The following SLC25A21 variants were observed in gnomAD, a reference collection of about 807,000 sequenced individuals.
SLC25A21 encodes the protein solute carrier family 25 member 21.
A neutral mutation model predicts 43.8 loss-of-function variants in SLC25A21; 47 were observed. The ratio of observed to expected loss-of-function variants is 1.07; its 90% CI spans 0.85 to 1.37. The LOEUF is 1.37. Among genes scored for constraint, SLC25A21 ranks in the 40% most tolerant of loss-of-function variants. The probability of loss-of-function intolerance (pLI) is 0.00; values close to 1 mark genes in which losing one functional copy is unlikely to be tolerated. For synonymous variants in SLC25A21, 131 were observed against 121.3 expected, an observed-to-expected ratio of 1.08 and a Z score of -0.52; for missense variants, 352 against 350.2, an observed-to-expected ratio of 1.00 and a Z score of -0.04.
intron 1 of SLC25A21, among the ~76,000 whole-genome samples, chr14:37,168,598 C>CT (rs1964070409): frequency 6.6e-6 from 1 of 151,844 alleles, no homozygotes; most frequent in African/African-American, 2.4e-5. Context: ...TGGGCCCCTA[C>CT]TAATGCTGGG....
intron 3 of SLC25A21, among the ~76,000 whole-genome samples, chr14:36,802,384 G>A (rs546169425): frequency 1.5e-4 from 23 of 152,010 alleles, no homozygotes; most frequent in South Asian, 1.0e-3. Flanking sequence ...GAATAGTTAC[G>A]AGTAATTGGC....
intron 1 of SLC25A21, among the ~76,000 whole-genome samples, chr14:37,130,516 T>C (rs1963375171): frequency 6.6e-6 from 1 of 152,204 alleles, no homozygotes; most frequent in African/African-American, 2.4e-5. Context: ...ATATGCAATA[T>C]GTTATAATGC....
chr14:36,776,438 C>A (rs979537833), intron 3 of SLC25A21, among the ~76,000 whole-genome samples: 5 of 151,692 alleles, frequency 3.3e-5, no homozygotes, highest in African/African-American at 1.2e-4. Context: ...CGGGGTTTCA[C>A]CGGGTTAGCC....
chr14:37,114,933 T>A (rs183997275), intron 1 of SLC25A21, among the ~76,000 whole-genome samples: 1 of 152,306 alleles, frequency 6.6e-6, no homozygotes, highest in East Asian at 1.9e-4. Context: ...TGAATCCTCT[T>A]ATGTACATAC....
At chr14:36,938,882 T>C (rs1163629358) in intron 1 of SLC25A21, among the ~76,000 whole-genome samples, 1 of 152,144 alleles carries the variant, frequency 6.6e-6, no homozygotes, top group African/African-American at 2.4e-5. Flanking sequence ...ATATTTCTTA[T>C]TGCATCACTG....
chr14:36,835,247 G>C (rs1160397494), intron 2 of SLC25A21, among the ~76,000 whole-genome samples: 2 of 152,188 alleles, frequency 1.3e-5, no homozygotes, highest in East Asian at 3.9e-4. Flanking sequence ...GGATTAGCAA[G>C]GAAACACTTG....
At chr14:36,831,183 T>C (rs1037877660) in intron 2 of SLC25A21, among the ~76,000 whole-genome samples, 2 of 152,240 alleles carry the variant, frequency 1.3e-5, no homozygotes, top group Non-Finnish European at 2.9e-5. Flanking sequence ...ATCAAGCAGT[T>C]ATGTGGCAAG....
At chr14:36,865,418 G>C (rs1455250953) in intron 2 of SLC25A21, among the ~76,000 whole-genome samples, 1 of 152,018 alleles carries the variant, frequency 6.6e-6, no homozygotes, top group African/African-American at 2.4e-5. Flanking sequence ...CACTCAGTAG[G>C]ACAGAATGTG....
chr14:37,122,705 T>C (rs1963230689), intron 1 of SLC25A21, among the ~76,000 whole-genome samples: 1 of 152,206 alleles, frequency 6.6e-6, no homozygotes, highest in Non-Finnish European at 1.5e-5. Flanking sequence ...TTAACTCCAT[T>C]TGGATATATC....
intron 6 of SLC25A21, among the ~76,000 whole-genome samples, chr14:36,722,265 AGG>A (rs1884404640): frequency 1.3e-5 from 2 of 152,326 alleles, no homozygotes; most frequent in Admixed American, 1.3e-4. Flanking sequence ...AGTGGTTGCC[AGG>A]GATTAAGTGG....
intron 1 of SLC25A21, among the ~76,000 whole-genome samples, chr14:37,040,909 GCTTTGAGGAAGATGATAAATTCATT>G (rs1199859197): frequency 6.6e-6 from 1 of 151,904 alleles, no homozygotes; most frequent in Non-Finnish European, 1.5e-5. Flanking sequence ...AGTGAAAGTA[GCTTTGAGGAAGATGATAAATTCATT>G]CTAATATTGT....
At chr14:36,795,556 G>A (rs1407044343) in intron 3 of SLC25A21, among the ~76,000 whole-genome samples, 2 of 152,168 alleles carry the variant, frequency 1.3e-5, no homozygotes, top group African/African-American at 4.8e-5. Context: ...AAGGAAGGAT[G>A]GATTTATAAA....
At chr14:36,706,999 A>G (rs1024353184) in intron 7 of SLC25A21, among the ~76,000 whole-genome samples, 3 of 152,202 alleles carry the variant, frequency 2.0e-5, no homozygotes, top group Non-Finnish European at 4.4e-5. Flanking sequence ...GTGGCCTACA[A>G]GGGCCAGTAT....
intron 4 of SLC25A21, among the ~76,000 whole-genome samples, chr14:36,729,835 G>A (rs913074935): frequency 2.0e-5 from 3 of 152,086 alleles, no homozygotes; most frequent in Non-Finnish European, 4.4e-5. Flanking sequence ...CATTTACCAT[G>A]ACCATTTTCA....
At chr14:37,008,775 G>GT (rs1454469758) in intron 1 of SLC25A21, among the ~76,000 whole-genome samples, 1 of 152,096 alleles carries the variant, frequency 6.6e-6, no homozygotes. Context: ...TTTCTCTGAA[G>GT]TTTTATGTCT....
chr14:36,749,746 A>G (rs1885632733), intron 3 of SLC25A21, among the ~76,000 whole-genome samples: 1 of 152,028 alleles, frequency 6.6e-6, no homozygotes, highest in Admixed American at 6.6e-5. Context: ...TGGGATCCTC[A>G]CCTCACAAAG....
intron 3 of SLC25A21, among the ~76,000 whole-genome samples, chr14:36,785,020 A>G (rs1183231396): frequency 2.0e-5 from 3 of 152,210 alleles, no homozygotes; most frequent in Non-Finnish European, 4.4e-5. Flanking sequence ...ATGTAAGGAT[A>G]GATTAATTAG....
intron 5 of SLC25A21, 54 bp downstream of exon 5, chr14:36,729,453 T>C: frequency 7.4e-7 from 1 of 1,356,706 alleles, no homozygotes; most frequent in Non-Finnish European, 1.0e-6. Context: ...TGTTTCTAGA[T>C]TTTGCTTTAT....
At chr14:36,893,089 G>A (rs937556380) in intron 1 of SLC25A21, among the ~76,000 whole-genome samples, 10 of 152,160 alleles carry the variant, frequency 6.6e-5, no homozygotes, top group African/African-American at 9.7e-5. Context: ...GGGTCAAATG[G>A]TATTTCTAGT....
Sources: gnomAD v4.1 joint callset for allele counts (sites outside exome capture counted in the v4.1 genomes callset) on GRCh38, gnomAD v4.1.1 for gene constraint, MANE v1.5 for transcripts, NCBI Gene and HGNC (gene_info 2026-07-23, HGNC 2026-07-21) for gene names.